The following REPS2 variants were observed in gnomAD, a reference collection of about 807,000 sequenced individuals.
REPS2 encodes the protein RALBP1 associated Eps domain containing 2.
REPS2 carries 23 observed loss-of-function variants against 53.6 expected under a neutral mutation model. That is an observed-to-expected ratio of 0.43 (90% confidence interval 0.31 to 0.61). The LOEUF (loss-of-function observed/expected upper bound fraction) is 0.61, where lower values mean the gene tolerates loss of function less well. REPS2 is among the 20% of genes least tolerant of loss of function. The pLI is 0.11. For synonymous variants in REPS2, 238 were observed against 218.6 expected (o/e 1.09, Z -0.78); for missense variants, 446 against 534.9 (o/e 0.83, Z 1.64).
At chrX:17,049,784 T>G (rs367954096) in intron 6 of REPS2, among the ~76,000 whole-genome samples, 4 of 111,684 alleles carry the variant, frequency 3.6e-5, no homozygotes, top group African/African-American at 9.8e-5. Context: ...TACAGTGTGT[T>G]TTTGTTTTAA....
chrX:17,043,806 C>T (rs2061867393), intron 5 of REPS2, among the ~76,000 whole-genome samples: 1 of 112,917 alleles, frequency 8.9e-6, no homozygotes, highest in South Asian at 3.6e-4. Flanking sequence ...ATGGTGCCCA[C>T]ACAAGGCTGC....
At chrX:16,969,211 G>A (rs1267801292) in intron 1 of REPS2, among the ~76,000 whole-genome samples, 4 of 109,395 alleles carry the variant, frequency 3.7e-5, no homozygotes, top group African/African-American at 6.7e-5. Context: ...ATGGGATGGC[G>A]GCCAGGCAGA....
chrX:17,072,314 G>T (rs780651282), intron 11 of REPS2, among the ~76,000 whole-genome samples: 1 of 112,478 alleles, frequency 8.9e-6, no homozygotes, highest in Non-Finnish European at 1.9e-5. Flanking sequence ...CTGTGAGAAA[G>T]AAACTGCATT....
rs183369349 is a variant in REPS2, at chrX:17,035,328, C to T, written c.771+5705C>T. On this transcript the variant is annotated intron_variant, in intron 5 of 17. Transcript: ENST00000357277. Reference sequence around the variant, plus strand: ...CAGGATGCAAGCAGGATAAGGAGAGCGGAGGAGTGAGAATGACTGATGGTT... The same window carrying T: ...CAGGATGCAAGCAGGATAAGGAGAGTGGAGGAGTGAGAATGACTGATGGTT... Among the ~76,000 whole-genome samples, 17 of 107,295 alleles carry T rather than the reference C, an allele frequency of 1.6e-4. No homozygotes were observed. In the South Asian group the frequency reaches 4.8e-3, roughly 30 times the overall value. 93.2% of individuals were successfully genotyped at this position (107,295 alleles called of 115,157 possible).
the REPS2 span, among the ~76,000 whole-genome samples, chrX:17,158,414 GA>G: frequency 9.0e-6 from 1 of 111,168 alleles, no homozygotes; most frequent in African/African-American, 3.3e-5. Flanking sequence ...TATCCACATG[GA>G]AAAAAATGAA....
chrX:16,990,322 T>C (rs1047416060), intron 1 of REPS2, among the ~76,000 whole-genome samples: 12 of 111,239 alleles, frequency 1.1e-4, no homozygotes, highest in Non-Finnish European at 2.3e-4. Context: ...ATAAAAGGCA[T>C]GATGAGGCCA....
At chrX:17,130,475 C>T (rs2063277357) in intron 14 of REPS2, among the ~76,000 whole-genome samples, 1 of 111,636 alleles carries the variant, frequency 9.0e-6, no homozygotes, top group African/African-American at 3.3e-5. Flanking sequence ...TAGCCCAGGC[C>T]TCAGCTGAGA....
chrX:17,070,614 C>T (rs2062291948), intron 11 of REPS2, among the ~76,000 whole-genome samples: 1 of 111,937 alleles, frequency 8.9e-6, no homozygotes, highest in Admixed American at 9.5e-5. Context: ...AAAGTGGCTA[C>T]AGAAGACATT....
chrX:17,164,648 A>C, the REPS2 span, among the ~76,000 whole-genome samples: 1 of 112,091 alleles, frequency 8.9e-6, no homozygotes, highest in South Asian at 3.7e-4. Context: ...AATGCAGCTA[A>C]AGCAGGGCTT....
the REPS2 span, among the ~76,000 whole-genome samples, chrX:17,186,652 A>G: frequency 8.9e-6 from 1 of 112,169 alleles, no homozygotes; most frequent in African/African-American, 3.2e-5. Context: ...AATCCCCACC[A>G]TAGCCTTAGG....
At chrX:16,983,151 C>T (rs1197622519) in intron 1 of REPS2, among the ~76,000 whole-genome samples, 3 of 111,433 alleles carry the variant, frequency 2.7e-5, no homozygotes, top group East Asian at 5.7e-4. Flanking sequence ...TTAGTATAAC[C>T]TAGTTTATCC....
At chrX:17,097,558 C>T (rs2062721410) in intron 13 of REPS2, among the ~76,000 whole-genome samples, 1 of 111,297 alleles carries the variant, frequency 9.0e-6, no homozygotes. Flanking sequence ...AAGATATGCC[C>T]AAAGAAAGTA....
At chrX:16,989,986 A>T (rs1012820795) in intron 1 of REPS2, among the ~76,000 whole-genome samples, 2 of 112,433 alleles carry the variant, frequency 1.8e-5, no homozygotes, top group Non-Finnish European at 3.8e-5. Context: ...CAGTATGTGA[A>T]TGTTTTATAG....
rs758973062 is a variant in REPS2 at position 17,152,432 on chromosome X, T to A, written c.*4951T>A. On this transcript the variant is annotated 3_prime_UTR_variant, in exon 18 of 18. Coordinates refer to ENST00000357277, the MANE Select transcript of REPS2 (RefSeq NM_004726.3). The stretch of plus-strand genomic sequence containing the variant: ...GGGAAATGCTCATTTTTTCATGTTT[T>A]GTGAATACTCTGGTCTTGCTGTAAG... 8.9e-6 allele frequency: 1 copy of A among 112,536 alleles called. No homozygotes were observed. Among genetic ancestry groups the A allele is most frequent in the South Asian group, 3.7e-4 (1 of 2,717 alleles). The allele number at this position is 112,536 out of a possible 1,213,427, so 9.3% of individuals were successfully genotyped here.
At chrX:17,088,064 A>G (rs1419455695) in intron 13 of REPS2, among the ~76,000 whole-genome samples, 1 of 111,124 alleles carries the variant, frequency 9.0e-6, no homozygotes, top group African/African-American at 3.3e-5. Flanking sequence ...CTTCCTCCTA[A>G]CACACATTTG....
intron 13 of REPS2, among the ~76,000 whole-genome samples, chrX:17,082,937 A>G (rs2062476878): frequency 9.0e-6 from 1 of 111,380 alleles, no homozygotes; most frequent in African/African-American, 3.3e-5. Context: ...CAATGATGGT[A>G]TCTGAAAGTA....
chrX:16,984,619 C>A (rs370929658), intron 1 of REPS2, among the ~76,000 whole-genome samples: 2 of 112,026 alleles, frequency 1.8e-5, no homozygotes. Flanking sequence ...ATTCCAAACA[C>A]CTGTTTTGTA....
downstream of REPS2, among the ~76,000 whole-genome samples, chrX:17,158,150 C>T (rs2063628968): frequency 8.9e-6 from 1 of 111,983 alleles, no homozygotes; most frequent in African/African-American, 3.2e-5. Context: ...AAGTGTGCAG[C>T]ACAATGAATC....
chrX:17,174,038 A>T, the REPS2 span, among the ~76,000 whole-genome samples: 125 of 100,394 alleles, frequency 1.2e-3, 1 homozygote, highest in African/African-American at 3.8e-3. Flanking sequence ...CAAATGAATT[A>T]AAAAAAAAAA....
Sources: gnomAD v4.1 joint callset for allele counts (sites outside exome capture counted in the v4.1 genomes callset) on GRCh38, gnomAD v4.1.1 for gene constraint, MANE v1.5 for transcripts, NCBI Gene and HGNC (gene_info 2026-07-23, HGNC 2026-07-21) for gene names.